USH2A: variants seen among roughly 807,000 people sequenced by gnomAD.
USH2A encodes the protein usherin, also known as Usher syndrome 2A (autosomal recessive, mild).
A neutral mutation model predicts 538.9 loss-of-function variants in USH2A; 443 were observed. The ratio of observed to expected loss-of-function variants is 0.82; its 90% CI spans 0.76 to 0.89. The LOEUF is 0.89. USH2A is among the 40% of genes least tolerant of loss of function. USH2A has a pLI of 0.00. For synonymous variants in USH2A, 2,413 were observed against 2,273.5 expected, an observed-to-expected ratio of 1.06 and a Z score of -1.75; for missense variants, 6,633 against 6,324.8, an observed-to-expected ratio of 1.05 and a Z score of -1.65.
chr1:215,888,570 C>T lies in USH2A; in HGVS notation c.8079G>A (p.Trp2693Ter), dbSNP rs1553273330. 3 of 1,614,130 alleles carry T rather than the reference C, an allele frequency of 1.9e-6. No homozygotes were observed. Among genetic ancestry groups the T allele is most frequent in the Non-Finnish European group, 2.5e-6 (3 of 1,180,014 alleles). Reference sequence around the variant, plus strand: ...TCAGTACCCGATATTCATATTTTGTCCATGGGCTAAGAGCAGAAGTCTTGT... The same window carrying T: ...TCAGTACCCGATATTCATATTTTGTTCATGGGCTAAGAGCAGAAGTCTTGT... ...FIDKTSALSP[W>*]TKYEYRVLMS... The change falls in exon 41 of 72, where the codon TGG (tryptophan) becomes TGA (stop). Residue 2693 changes from tryptophan to a stop codon, truncating the protein, a stop_gained. Transcript: ENST00000307340. LOFTEE classifies it high-confidence loss of function.
chr1:216,113,546 A>G (rs1226990875), intron 21 of USH2A, among the ~76,000 whole-genome samples: 1 of 152,164 alleles, frequency 6.6e-6, no homozygotes, highest in Non-Finnish European at 1.5e-5. Context: ...TATTTACAAG[A>G]TGAATAGTGA....
intron 56 of USH2A, among the ~76,000 whole-genome samples, chr1:215,762,159 T>C (rs575741597): frequency 1.3e-5 from 2 of 152,336 alleles, no homozygotes; most frequent in East Asian, 3.9e-4. Flanking sequence ...CAAATCATAG[T>C]ACACATTTGT....
chr1:216,384,119 T>C (rs1022628628), intron 3 of USH2A, among the ~76,000 whole-genome samples: 2 of 151,888 alleles, frequency 1.3e-5, no homozygotes, highest in African/African-American at 4.8e-5. Flanking sequence ...TCTCTGCCTA[T>C]GCTTTCTTTC....
chr1:215,765,300 T>C (rs963822197), intron 56 of USH2A, among the ~76,000 whole-genome samples: 6 of 152,148 alleles, frequency 3.9e-5, no homozygotes, highest in African/African-American at 1.4e-4. Context: ...ACTAAGCTTT[T>C]TGACATGAAA....
At chr1:215,721,943 T>C (rs1327276053) in intron 61 of USH2A, among the ~76,000 whole-genome samples, 3 of 151,936 alleles carry the variant, frequency 2.0e-5, no homozygotes, top group Non-Finnish European at 2.9e-5. Flanking sequence ...CATGCACCTA[T>C]AGTCCCAGCT....
chr1:216,106,671 T>C (rs913684927), intron 21 of USH2A, among the ~76,000 whole-genome samples: 6 of 151,776 alleles, frequency 4.0e-5, no homozygotes, highest in African/African-American at 1.4e-4. Flanking sequence ...GATATCCAAT[T>C]CTGCCTTAAT....
In USH2A at chr1:215,671,372, T is replaced by TA. The variant is rs756861779; in HGVS notation, c.13812-80dup. 80,720 of 993,886 alleles carry TA rather than the reference T, an allele frequency of 0.081. 176 individuals carry two copies. Among genetic ancestry groups the TA allele is most frequent in the Non-Finnish European group, 0.087 (63,679 of 734,102 alleles). 61.6% of individuals were successfully genotyped at this position (993,886 alleles called of 1,614,324 possible). On this transcript the variant is annotated intron_variant, in intron 63 of 71. Transcript: ENST00000307340. ...GAAGAATCTTTAAAACACCAGGCCT[T>TA]AAAAAAAAAAGACAAGCTTACATGT... is the stretch of plus-strand genomic sequence containing the variant.
chr1:216,326,273 T>C (rs2037733410), intron 5 of USH2A, among the ~76,000 whole-genome samples: 1 of 152,208 alleles, frequency 6.6e-6, no homozygotes, highest in Non-Finnish European at 1.5e-5. Flanking sequence ...ATTCTATTTA[T>C]AGGCATTCTT....
At chr1:216,231,731 A>G (rs965711934) in intron 14 of USH2A, among the ~76,000 whole-genome samples, 1 of 151,912 alleles carries the variant, frequency 6.6e-6, no homozygotes, top group Non-Finnish European at 1.5e-5. Context: ...TAGTTTTAGT[A>G]AAGACGGGGT....
intron 38 of USH2A, among the ~76,000 whole-genome samples, chr1:215,914,427 C>G (rs1169863291): frequency 6.6e-6 from 1 of 152,002 alleles, no homozygotes; most frequent in African/African-American, 2.4e-5. Context: ...AATCAATTAA[C>G]TTTTCTGATT....
intron 54 of USH2A, among the ~76,000 whole-genome samples, chr1:215,780,659 G>T (rs1210456330): frequency 6.6e-6 from 1 of 152,186 alleles, no homozygotes; most frequent in Non-Finnish European, 1.5e-5. Flanking sequence ...TTCTTTCATA[G>T]AATTAACTTT....
At chr1:216,286,073 A>T (rs1165027625) in intron 11 of USH2A, among the ~76,000 whole-genome samples, 1 of 151,560 alleles carries the variant, frequency 6.6e-6, no homozygotes, top group Admixed American at 6.6e-5. Context: ...ACTGTGGGGG[A>T]CTCTTGGAAG....
rs556502224 is a variant in USH2A at position 216,090,758 on chromosome 1, T to C, written c.4759-1619A>G. Among the ~76,000 whole-genome samples the C allele has an allele frequency of 1.2e-4, 18 of 152,288 alleles. No individual in the cohort carries two copies. In the Middle Eastern group the frequency reaches 0.017, roughly 144 times the overall value. On this transcript the variant is annotated intron_variant, in intron 22 of 71. Coordinates refer to ENST00000307340, the MANE Select transcript of USH2A (RefSeq NM_206933.4). Reference sequence around the variant, plus strand: ...GCCCATTAGTTTTTCCATTAGTGAATTCAACAATACTAATGGGATTACTAG... The same window carrying C: ...GCCCATTAGTTTTTCCATTAGTGAACTCAACAATACTAATGGGATTACTAG...
intron 58 of USH2A, among the ~76,000 whole-genome samples, chr1:215,745,853 C>A (rs1660455367): frequency 6.6e-6 from 1 of 152,022 alleles, no homozygotes; most frequent in African/African-American, 2.4e-5. Context: ...TAAGGCAGAG[C>A]CATTCTTGGA....
At chr1:216,233,482 AG>A (rs1384451313) in intron 13 of USH2A, among the ~76,000 whole-genome samples, 3 of 152,130 alleles carry the variant, frequency 2.0e-5, no homozygotes, top group Admixed American at 2.0e-4. Flanking sequence ...CCATAAGGGC[AG>A]AAAACCCATC....
chr1:216,318,233 T>C (rs1180287117), intron 9 of USH2A, among the ~76,000 whole-genome samples: 1 of 152,342 alleles, frequency 6.6e-6, no homozygotes, highest in African/African-American at 2.4e-5. Flanking sequence ...TATTAATGGA[T>C]AGCATAACAC....
chr1:216,003,030 C>T (rs1217071352), intron 32 of USH2A, among the ~76,000 whole-genome samples: 1 of 152,076 alleles, frequency 6.6e-6, no homozygotes, highest in Non-Finnish European at 1.5e-5. Context: ...ATGGAAGGAG[C>T]TTCCTGAAGC....
rs754159296 is a variant in USH2A, at chr1:216,289,365, C to T, written c.1886G>A (p.Gly629Asp). 1.2e-6 allele frequency: 2 copies of T among 1,613,978 alleles called. No individual in the cohort carries two copies. The highest frequency in any genetic ancestry group is 1.1e-5 in the South Asian group (1 of 91,082). The stretch of plus-strand genomic sequence containing the variant: ...AACATCTATGGCCGAAGGATCTGCA[C>T]CAACTTGTCGGAAAAAGTAATCCTT... ...LCKDYFFRQV[G>D]ADPSAIDVCK... The change falls in exon 11 of 72, where the codon GGT becomes GAT. Residue 629 changes from glycine to aspartate, a missense_variant. By Grantham distance (94) the Gly-to-Asp change is moderately conservative. Coordinates refer to ENST00000307340, the MANE Select transcript of USH2A (RefSeq NM_206933.4).
chr1:215,725,972 A>G (rs944291244), intron 61 of USH2A, among the ~76,000 whole-genome samples: 1 of 152,222 alleles, frequency 6.6e-6, no homozygotes, highest in Non-Finnish European at 1.5e-5. Flanking sequence ...GGGTTATTCC[A>G]CAAGGGAATT....
Sources: allele counts gnomAD v4.1 joint callset (sites outside exome capture counted in the v4.1 genomes callset), GRCh38; gene constraint gnomAD v4.1.1; transcripts MANE v1.5; gene names NCBI Gene and HGNC (gene_info 2026-07-23, HGNC 2026-07-21).